Variants in IRAK2 observed in about 807,000 individuals in gnomAD.
IRAK2 encodes interleukin-1 receptor-associated kinase-like 2.
In IRAK2, 57 loss-of-function variants were observed where a neutral mutation model predicts 72.0. The observed-to-expected ratio is 0.79, with a 90% CI of 0.64 to 0.99. The LOEUF is 0.99. Ranked by LOEUF, IRAK2 falls within the 50% of genes least tolerant of loss-of-function variation. IRAK2 has a pLI of 0.00. For synonymous variants in IRAK2, 293 were observed against 312.7 expected, an observed-to-expected ratio of 0.94 and a Z score of 0.67; for missense variants, 790 against 794.4, an observed-to-expected ratio of 0.99 and a Z score of 0.07.
chr3:10,215,266 C>T (rs1697584402), intron 6 of IRAK2, among the ~76,000 whole-genome samples: 3 of 149,824 alleles, frequency 2.0e-5, no homozygotes. Flanking sequence ...TGTTGGCATG[C>T]ACCTGTAGTC....
chr3:10,191,124 C>T (rs1030626184), intron 2 of IRAK2, among the ~76,000 whole-genome samples: 1 of 152,032 alleles, frequency 6.6e-6, no homozygotes, highest in African/African-American at 2.4e-5. Flanking sequence ...GATACCCCGT[C>T]TCTACTAAAA....
chr3:10,204,827 G>T (rs1305712085), intron 3 of IRAK2, among the ~76,000 whole-genome samples: 1 of 152,042 alleles, frequency 6.6e-6, no homozygotes, highest in African/African-American at 2.4e-5. Context: ...CATAGGAAAT[G>T]GTTTGTTTTT....
At chr3:10,224,982 C>T (rs187070521) in intron 9 of IRAK2, among the ~76,000 whole-genome samples, 10 of 151,538 alleles carry the variant, frequency 6.6e-5, no homozygotes, top group Admixed American at 5.3e-4. Flanking sequence ...GTGAAAGGGG[C>T]ACAGGAAGTC....
chr3:10,207,519 C>G (rs114607711), intron 3 of IRAK2, among the ~76,000 whole-genome samples: 2,502 of 151,372 alleles, frequency 0.017, 36 homozygotes, highest in Non-Finnish European at 0.021. Flanking sequence ...ACCTCACCCA[C>G]GGTCTGTGCC....
At chr3:10,208,101 C>T (rs556949260) in intron 3 of IRAK2, among the ~76,000 whole-genome samples, 67 of 151,586 alleles carry the variant, frequency 4.4e-4, no homozygotes, top group Admixed American at 2.4e-3. Flanking sequence ...GGGGGCTCCT[C>T]GGTGGGCGCA....
chr3:10,184,489 G>T (rs889827715), intron 2 of IRAK2, among the ~76,000 whole-genome samples: 9 of 151,734 alleles, frequency 5.9e-5, no homozygotes, highest in Non-Finnish European at 1.3e-4. Flanking sequence ...GTGATGTGTA[G>T]CCTTCTCTAA....
At position 10,217,019 on chromosome 3, in the gene IRAK2, G is replaced by T. The variant is rs1346241931; in HGVS notation, c.874G>T (p.Gly292Cys). The change falls in exon 7 of 13, where the codon GGT (glycine) becomes TGT (cysteine). Residue 292 changes from glycine to cysteine, a missense_variant. Coordinates refer to ENST00000256458, the MANE Select transcript of IRAK2 (RefSeq NM_001570.4). ...CTTCATCTACCCCTACATGGCAAAT[G>T]GTTCCCTACAGGACAGACTGCAGGG... ...HSFIYPYMAN[G>C]SLQDRLQGQG... 6.2e-7 allele frequency: 1 copy of T among 1,613,942 alleles called. No individual in the cohort carries two copies. Among genetic ancestry groups the T allele is most frequent in the East Asian group, 2.2e-5 (1 of 44,886 alleles).
Position 10,234,055 on chromosome 3 carries a change from G to A in IRAK2, c.1273-404G>A, listed in dbSNP as rs147477971. On this transcript the variant is annotated intron_variant, in intron 10 of 12. Coordinates refer to ENST00000256458, the MANE Select transcript of IRAK2 (RefSeq NM_001570.4). ...TTTTTATATTTCTAGTAGAGACGGG[G>A]TTTCGCCCTGTTGGCCAGGCTGGCT... 8.9e-3 allele frequency among the ~76,000 whole-genome samples: 1,357 copies of A among 152,216 alleles called. 10 individuals are homozygous for A. Among genetic ancestry groups the A allele is most frequent in the African/African-American group, 0.031 (1,268 of 41,532 alleles).
intron 3 of IRAK2, among the ~76,000 whole-genome samples, chr3:10,209,388 C>T (rs1397411274): frequency 1.3e-5 from 2 of 152,100 alleles, no homozygotes; most frequent in Non-Finnish European, 2.9e-5. Context: ...TAAACAGGCC[C>T]CAGGTTGTAG....
At chr3:10,232,898 T>C (rs1420458768) in intron 10 of IRAK2, among the ~76,000 whole-genome samples, 1 of 152,058 alleles carries the variant, frequency 6.6e-6, no homozygotes, top group Non-Finnish European at 1.5e-5. Flanking sequence ...ACTCCATCTC[T>C]ACAAAAAATT....
intron 8 of IRAK2, among the ~76,000 whole-genome samples, chr3:10,221,248 A>ATTTTTTTTT (rs34742796): frequency 1.1e-5 from 1 of 89,714 alleles, no homozygotes; most frequent in Non-Finnish European, 2.0e-5. Flanking sequence ...AAAAAAAAAA[A>ATTTTTTTTT]TTTTTTTTTT....
intron 1 of IRAK2, among the ~76,000 whole-genome samples, chr3:10,166,246 G>A (rs1228682280): frequency 6.6e-6 from 1 of 152,218 alleles, no homozygotes; most frequent in African/African-American, 2.4e-5. Context: ...TGTCCTAATA[G>A]ATTCAGTGTG....
chr3:10,234,323 A>G (rs1697914408), intron 10 of IRAK2, 136 bp from the exon 11 acceptor site: 2 of 675,554 alleles, frequency 3.0e-6, no homozygotes, highest in Admixed American at 5.1e-5. Context: ...TCTTTCTGGA[A>G]TCCTTGCATT....
intron 3 of IRAK2, among the ~76,000 whole-genome samples, chr3:10,206,410 CA>C (rs1697434177): frequency 4.6e-5 from 7 of 152,214 alleles, no homozygotes; most frequent in Admixed American, 3.9e-4. Flanking sequence ...CACACAGCAG[CA>C]GGGCAAAGAT....
At chr3:10,169,576 G>A (rs540519178) in intron 1 of IRAK2, among the ~76,000 whole-genome samples, 178 of 152,220 alleles carry the variant, frequency 1.2e-3, no homozygotes, top group African/African-American at 4.2e-3. Flanking sequence ...TATTCTGCCC[G>A]ACCCCACAGG....
At position 10,240,283 on chromosome 3, in the gene IRAK2, C is replaced by CAGAT. The variant is rs1698031469; in HGVS notation, c.1765+1245_1765+1246insGATA. On this transcript the variant is annotated intron_variant, in intron 12 of 12. Transcript: ENST00000256458. ...CAGTCTGGCCAATATGGTGAAACCC[C>CAGAT]ATCTCTCTACTAAAAATACAAAAAT... Among the ~76,000 whole-genome samples the CAGAT allele has an allele frequency of 5.3e-5, 8 of 151,418 alleles. No homozygotes were observed. In the South Asian group the frequency reaches 1.7e-3, roughly 32 times the overall value.
rs556471052 is a variant in IRAK2 at position 10,238,875 on chromosome 3, A to G, written c.1601A>G (p.Asn534Ser). 3.1e-4 allele frequency: 507 copies of G among 1,614,038 alleles called. 7 individuals are homozygous for G. In the South Asian group the frequency reaches 4.1e-3, roughly 13 times the overall value. Residue 534 changes from asparagine to serine, a missense_variant, in exon 12 of 13, where the codon AAT (asparagine) becomes AGT (serine). By Grantham distance (46) the Asn-to-Ser change is conservative. Coordinates refer to ENST00000256458, the MANE Select transcript of IRAK2 (RefSeq NM_001570.4). Reference sequence around the variant, plus strand: ...CCAGAGGAAACAGACGACGTTGACAATTCCAGCCTTGATGCCTCCTCCTCC... The same window carrying G: ...CCAGAGGAAACAGACGACGTTGACAGTTCCAGCCTTGATGCCTCCTCCTCC... ...NTPEETDDVD[N>S]SSLDASSSMS...
chr3:10,183,669 C>T (rs1696998765), intron 2 of IRAK2, among the ~76,000 whole-genome samples: 1 of 152,102 alleles, frequency 6.6e-6, no homozygotes, highest in African/African-American at 2.4e-5. Context: ...TGCAGTGAGC[C>T]AAGATGGCAC....
intron 3 of IRAK2, among the ~76,000 whole-genome samples, chr3:10,201,137 A>G (rs947194399): frequency 6.6e-6 from 1 of 152,272 alleles, no homozygotes; most frequent in Non-Finnish European, 1.5e-5. Flanking sequence ...AGTGCCAGAC[A>G]CTATTCCAAG....
Sources: allele counts gnomAD v4.1 joint callset (sites outside exome capture counted in the v4.1 genomes callset), GRCh38; gene constraint gnomAD v4.1.1; transcripts MANE v1.5; gene names NCBI Gene and HGNC (gene_info 2026-07-23, HGNC 2026-07-21).